The following CADM1 variants were observed in gnomAD, a reference collection of about 807,000 sequenced individuals.
The protein encoded by CADM1 is cell adhesion molecule 1.
Under a neutral mutation model 53.1 loss-of-function variants are expected in CADM1, and 15 were observed. The ratio of observed to expected loss-of-function variants is 0.28; its 90% CI spans 0.19 to 0.44. CADM1 has a LOEUF of 0.44. Among genes scored for constraint, CADM1 ranks in the 20% least tolerant of loss-of-function variants. CADM1 has a pLI of 1.00. For synonymous variants in CADM1, 281 were observed against 243.0 expected (o/e 1.16, Z -1.45); for missense variants, 434 against 611.3 (o/e 0.71, Z 3.06).
At chr11:115,412,492 C>A (rs1457129430) in intron 1 of CADM1, among the ~76,000 whole-genome samples, 1 of 152,210 alleles carries the variant, frequency 6.6e-6, no homozygotes, top group Non-Finnish European at 1.5e-5. Context: ...AGCCACTGTG[C>A]ACAGCCCCTG....
At position 115,295,521 on chromosome 11, in the gene CADM1, TATATATATATATATATATATATATATATA is replaced by T. The variant is rs1351364938; in HGVS notation, c.125-55130_125-55102del. Among the ~76,000 whole-genome samples, 27 of 76,798 alleles carry T rather than the reference TATATATATATATATATATATATATATATA, an allele frequency of 3.5e-4. 5 individuals are homozygous for T. Among genetic ancestry groups the T allele is most frequent in the Non-Finnish European group, 1.5e-4 (7 of 47,914 alleles). The allele number at this position is 76,798 out of a possible 152,430, so 50.4% of individuals were successfully genotyped here. A position where few individuals can be genotyped will look rare whatever the true frequency, so the allele number is the denominator to read the frequency against. On this transcript the variant is annotated intron_variant, in intron 1 of 11. Transcript: ENST00000331581. The stretch of plus-strand genomic sequence containing the variant: ...TCAAGATATTTTATATATATATATA[TATATATATATATATATATATATATATATA>T]ATATATATGTATATGCACATATATA...
At chr11:115,325,770 T>C (rs1335446580) in intron 1 of CADM1, among the ~76,000 whole-genome samples, 1 of 152,180 alleles carries the variant, frequency 6.6e-6, no homozygotes, top group Non-Finnish European at 1.5e-5. Context: ...AGTCCACTCA[T>C]GGGACTCTAC....
At chr11:115,314,280 A>G (rs964731699) in intron 1 of CADM1, among the ~76,000 whole-genome samples, 2 of 152,146 alleles carry the variant, frequency 1.3e-5, no homozygotes, top group Non-Finnish European at 2.9e-5. Context: ...AGAGAAGAAC[A>G]GTCAGGAGCC....
At chr11:115,302,582 GTTAT>G (rs1944258031) in intron 1 of CADM1, among the ~76,000 whole-genome samples, 3 of 151,994 alleles carry the variant, frequency 2.0e-5, no homozygotes, top group African/African-American at 4.8e-5. Context: ...GTACTTTGTT[GTTAT>G]TTATTTTCTC....
At chr11:115,228,804 A>G (rs1941709587) in intron 5 of CADM1, among the ~76,000 whole-genome samples, 1 of 152,116 alleles carries the variant, frequency 6.6e-6, no homozygotes, top group Non-Finnish European at 1.5e-5. Flanking sequence ...GGGGAAAATT[A>G]CCCTAGATTT....
chr11:115,271,401 G>A (rs1329953831), intron 1 of CADM1, among the ~76,000 whole-genome samples: 2 of 152,114 alleles, frequency 1.3e-5, no homozygotes, highest in African/African-American at 4.8e-5. Flanking sequence ...TCCTGCCTCA[G>A]CCTCCCGAGT....
At chr11:115,196,250 C>T (rs1230270243) in intron 9 of CADM1, among the ~76,000 whole-genome samples, 1 of 152,086 alleles carries the variant, frequency 6.6e-6, no homozygotes, top group East Asian at 1.9e-4. Context: ...GGGAAAGACC[C>T]GATTAAAACT....
chr11:115,246,549 T>C (rs1264702937), intron 1 of CADM1, among the ~76,000 whole-genome samples: 1 of 152,204 alleles, frequency 6.6e-6, no homozygotes, highest in Non-Finnish European at 1.5e-5. Context: ...CTCTCTCACT[T>C]TAGGCCCAGG....
intron 1 of CADM1, among the ~76,000 whole-genome samples, chr11:115,433,421 C>T (rs1023119178): frequency 1.3e-5 from 2 of 152,198 alleles, no homozygotes; most frequent in Non-Finnish European, 2.9e-5. Flanking sequence ...TAGCTATCAT[C>T]CAGCATGACT....
chr11:115,330,909 G>C (rs1340001828), intron 1 of CADM1, among the ~76,000 whole-genome samples: 4 of 152,124 alleles, frequency 2.6e-5, no homozygotes, highest in African/African-American at 9.7e-5. Context: ...AGCTGTTACA[G>C]AATCAACTAA....
At chr11:115,328,191 G>A (rs1344346409) in intron 1 of CADM1, among the ~76,000 whole-genome samples, 3 of 151,604 alleles carry the variant, frequency 2.0e-5, no homozygotes, top group South Asian at 2.1e-4. Context: ...CACCCAGAAC[G>A]AAAATCCAAA....
chr11:115,500,980 TG>T (rs1949714417), intron 1 of CADM1, among the ~76,000 whole-genome samples: 1 of 152,336 alleles, frequency 6.6e-6, no homozygotes, highest in African/African-American at 2.4e-5. Flanking sequence ...GGAGGGCCAT[TG>T]GGGAAAACTG....
At chr11:115,231,930 G>T (rs1204168878) in intron 3 of CADM1, among the ~76,000 whole-genome samples, 1 of 152,086 alleles carries the variant, frequency 6.6e-6, no homozygotes, top group Non-Finnish European at 1.5e-5. Context: ...AGGTTACAGT[G>T]AGCCGAGATC....
intron 1 of CADM1, among the ~76,000 whole-genome samples, chr11:115,308,137 C>CTG (rs1190681356): frequency 1.2e-3 from 122 of 105,320 alleles, no homozygotes; most frequent in Middle Eastern, 4.5e-3. Context: ...CACAAACTCT[C>CTG]TCTCTGTGTG....
intron 1 of CADM1, among the ~76,000 whole-genome samples, chr11:115,401,161 G>A (rs1371474456): frequency 5.3e-5 from 8 of 152,026 alleles, no homozygotes; most frequent in African/African-American, 1.2e-4. Context: ...AGTATTCAGC[G>A]TTAAAAAGCA....
intron 1 of CADM1, among the ~76,000 whole-genome samples, chr11:115,323,801 G>GAACAA (rs1217990048): frequency 1.3e-5 from 2 of 151,044 alleles, no homozygotes; most frequent in Non-Finnish European, 2.9e-5. Context: ...AGGAAAAGGA[G>GAACAA]AACAAAACAA....
At position 115,174,805 on chromosome 11, in the gene CADM1, T is replaced by TCCATA; in HGVS notation, c.*1668_*1669insTATGG. On this transcript the variant is annotated 3_prime_UTR_variant, in exon 12 of 12. Coordinates refer to ENST00000331581, the MANE Select transcript of CADM1 (RefSeq NM_001301043.2). ...CCATCTTTCCATAGGGACTGTTAGC[T>TCCATA]GGAGTCTGGAGTCTTACCAAACATA... The TCCATA allele has an allele frequency of 1.0e-6, 1 of 969,002 alleles. No homozygotes were observed. The highest frequency in any genetic ancestry group is 1.2e-6 in the Non-Finnish European group (1 of 814,850). The allele number at this position is 969,002 out of a possible 1,614,324, so 60.0% of individuals were successfully genotyped here.
intron 1 of CADM1, among the ~76,000 whole-genome samples, chr11:115,269,555 T>G (rs936113167): frequency 6.6e-6 from 1 of 152,260 alleles, no homozygotes; most frequent in East Asian, 1.9e-4. Context: ...ACATACTCTG[T>G]GGGGGCCTCC....
At chr11:115,442,006 A>C (rs750544440) in intron 1 of CADM1, among the ~76,000 whole-genome samples, 1 of 152,062 alleles carries the variant, frequency 6.6e-6, no homozygotes. Flanking sequence ...TCTGATCCCT[A>C]CCTTCACAGA....
Sources: gnomAD v4.1 joint callset for allele counts (sites outside exome capture counted in the v4.1 genomes callset) on GRCh38, gnomAD v4.1.1 for gene constraint, MANE v1.5 for transcripts, NCBI Gene and HGNC (gene_info 2026-07-23, HGNC 2026-07-21) for gene names.